The following MED13L variants were observed in gnomAD, a reference collection of about 807,000 sequenced individuals.
The protein encoded by MED13L is mediator of RNA polymerase II transcription subunit 13-like.
In MED13L, 7 loss-of-function variants were observed where a neutral mutation model predicts 220.9. The observed-to-expected ratio is 0.03, with a 90% CI of 0.02 to 0.06. MED13L has a LOEUF of 0.06. MED13L is among the 10% of genes least tolerant of loss of function. The probability of loss-of-function intolerance (pLI) is 1.00; values close to 1 mark genes in which losing one functional copy is unlikely to be tolerated. For missense variants in MED13L, 1,965 were observed against 2,760.5 expected, an observed-to-expected ratio of 0.71 and a Z score of 6.46; for synonymous variants, 1,011 against 1,015.2, an observed-to-expected ratio of 1.00 and a Z score of 0.08.
intron 2 of MED13L, among the ~76,000 whole-genome samples, chr12:116,121,576 G>A (rs890587922): frequency 6.6e-6 from 1 of 152,132 alleles, no homozygotes; most frequent in Admixed American, 6.5e-5. Context: ...GTGAAACCTT[G>A]AAGAAATTCA....
intron 2 of MED13L, among the ~76,000 whole-genome samples, chr12:116,233,334 A>G (rs1869760608): frequency 6.6e-6 from 1 of 152,196 alleles, no homozygotes; most frequent in Non-Finnish European, 1.5e-5. Flanking sequence ...TCCAATTTAG[A>G]ATTTTAAAAT....
At chr12:116,215,488 G>T (rs1464330848) in intron 2 of MED13L, among the ~76,000 whole-genome samples, 1 of 152,066 alleles carries the variant, frequency 6.6e-6, no homozygotes, top group African/African-American at 2.4e-5. Context: ...CTGAACACAA[G>T]GAGTTACTAA....
At position 115,968,933 on chromosome 12, in the gene MED13L, T is replaced by C; in HGVS notation, c.6225+7A>G. ...GTCTTAAACAACGTACTCCAAATCA[T>C]CCTTACCCGACTATGCTGGAAGTGA... On this transcript the variant is annotated splice_region_variant and intron_variant, in intron 28 of 30. Transcript: ENST00000281928. 1.2e-6 allele frequency: 2 copies of C among 1,613,890 alleles called. No homozygotes were observed. Among genetic ancestry groups the C allele is most frequent in the South Asian group, 2.2e-5 (2 of 91,074 alleles).
intron 23 of MED13L, among the ~76,000 whole-genome samples, chr12:115,978,959 T>C (rs1022690171): frequency 6.6e-6 from 1 of 152,212 alleles, no homozygotes; most frequent in Non-Finnish European, 1.5e-5. Flanking sequence ...GAGAATTGCA[T>C]GGAGGCAGGG....
intron 17 of MED13L, among the ~76,000 whole-genome samples, chr12:115,988,122 A>T (rs1177023427): frequency 6.6e-6 from 1 of 152,102 alleles, no homozygotes; most frequent in Non-Finnish European, 1.5e-5. Context: ...CCTCCCTCTT[A>T]CCCTTCTAGC....
At position 115,959,053 on chromosome 12, in the gene MED13L, G is replaced by C. The variant is rs1875595144; in HGVS notation, c.*2213C>G. ...TCACTCTGTAGCAAATCCAGGGCTT[G>C]TACATTTCAGATTAATTCAGTAAAA... On this transcript the variant is annotated 3_prime_UTR_variant, in exon 31 of 31. Transcript: ENST00000281928. The C allele has an allele frequency of 6.6e-6, 1 of 152,424 alleles. No homozygotes were observed. Among genetic ancestry groups the C allele is most frequent in the Non-Finnish European group, 1.5e-5 (1 of 68,016 alleles). 9.4% of individuals were successfully genotyped at this position (152,424 alleles called of 1,614,324 possible). A position where few individuals can be genotyped will look rare whatever the true frequency, so the allele number is the denominator to read the frequency against.
chr12:116,195,782 G>GA (rs900841743), intron 2 of MED13L, among the ~76,000 whole-genome samples: 2 of 151,124 alleles, frequency 1.3e-5, no homozygotes, highest in Admixed American at 6.6e-5. Flanking sequence ...TTTATAAAGG[G>GA]AAAAAAAATC....
chr12:116,070,721 G>C (rs1288324551), intron 4 of MED13L, among the ~76,000 whole-genome samples: 1 of 152,106 alleles, frequency 6.6e-6, no homozygotes, highest in African/African-American at 2.4e-5. Flanking sequence ...AGCATATAAA[G>C]TACACAAGTA....
At position 116,230,426 on chromosome 12, in the gene MED13L, AACTT is replaced by A; in HGVS notation, c.310+7038_310+7041del. 4.2e-6 allele frequency: 4 copies of A among 953,504 alleles called. No homozygotes were observed. In the South Asian group the frequency reaches 1.5e-4, roughly 35 times the overall value. The allele number at this position is 953,504 out of a possible 1,614,324, so 59.1% of individuals were successfully genotyped here. A position where few individuals can be genotyped will look rare whatever the true frequency, so the allele number is the denominator to read the frequency against. The stretch of plus-strand genomic sequence containing the variant: ...ACAACAATAAAAAAAAGTAAAATGA[AACTT>A]ACTTTTCAGGTGCACTGTGATACCA... On this transcript the variant is annotated intron_variant, in intron 2 of 30. Transcript: ENST00000281928.
chr12:116,170,236 A>C (rs1001438858), intron 2 of MED13L, among the ~76,000 whole-genome samples: 17 of 152,206 alleles, frequency 1.1e-4, no homozygotes, highest in Non-Finnish European at 2.4e-4. Context: ...AAGATCTTTA[A>C]GTACTGAGAA....
chr12:116,133,294 T>A (rs1876238653), intron 2 of MED13L, among the ~76,000 whole-genome samples: 1 of 152,238 alleles, frequency 6.6e-6, no homozygotes, highest in African/African-American at 2.4e-5. Flanking sequence ...TTGCAACACT[T>A]TCCCTGTGAG....
At chr12:116,231,347 G>A (rs1378547808) in intron 2 of MED13L, among the ~76,000 whole-genome samples, 2 of 152,186 alleles carry the variant, frequency 1.3e-5, no homozygotes, top group African/African-American at 4.8e-5. Context: ...ATGTGATGCC[G>A]TGGAAAGGAC....
At chr12:116,251,167 A>G (rs1167043791) in intron 1 of MED13L, among the ~76,000 whole-genome samples, 1 of 151,474 alleles carries the variant, frequency 6.6e-6, no homozygotes, top group Non-Finnish European at 1.5e-5. Flanking sequence ...GAAAGGAACT[A>G]AGAACAGATG....
chr12:116,259,691 A>G (rs1277935449), intron 1 of MED13L, among the ~76,000 whole-genome samples: 2 of 152,190 alleles, frequency 1.3e-5, no homozygotes, highest in East Asian at 1.9e-4. Context: ...TATCTATTCA[A>G]TATCTAATAA....
At chr12:116,261,636 T>G (rs1050073583) in intron 1 of MED13L, among the ~76,000 whole-genome samples, 3 of 152,212 alleles carry the variant, frequency 2.0e-5, no homozygotes, top group Admixed American at 6.5e-5. Flanking sequence ...GAATACTTTC[T>G]TATATACACA....
intron 2 of MED13L, among the ~76,000 whole-genome samples, chr12:116,115,027 CCT>C (rs1874392540): frequency 6.6e-6 from 1 of 151,870 alleles, no homozygotes; most frequent in Non-Finnish European, 1.5e-5. Flanking sequence ...AATAAAAATC[CCT>C]GCAGGATGTT....
intron 2 of MED13L, among the ~76,000 whole-genome samples, chr12:116,229,313 G>A (rs991874208): frequency 5.3e-5 from 8 of 152,018 alleles, no homozygotes; most frequent in African/African-American, 1.9e-4. Flanking sequence ...TGTTCCAATG[G>A]TGACTCTAAC....
intron 2 of MED13L, among the ~76,000 whole-genome samples, chr12:116,230,190 G>T (rs915144099): frequency 1.3e-5 from 2 of 151,932 alleles, no homozygotes; most frequent in African/African-American, 4.8e-5. Flanking sequence ...CATCACTTGA[G>T]GTCAGGAGTT....
chr12:116,261,361 G>A (rs1009542595), intron 1 of MED13L, among the ~76,000 whole-genome samples: 4 of 152,002 alleles, frequency 2.6e-5, no homozygotes, highest in African/African-American at 4.8e-5. Context: ...GCCGGGCATG[G>A]TCATGGGTGC....
Sources: allele counts gnomAD v4.1 joint callset (sites outside exome capture counted in the v4.1 genomes callset), GRCh38; gene constraint gnomAD v4.1.1; transcripts MANE v1.5; gene names NCBI Gene and HGNC (gene_info 2026-07-23, HGNC 2026-07-21).